The following KCNN2 variants were observed in gnomAD, a reference collection of about 807,000 sequenced individuals.
The protein encoded by KCNN2 is small conductance calcium-activated potassium channel protein 2.
Under a neutral mutation model 55.5 loss-of-function variants are expected in KCNN2, and 24 were observed. The ratio of observed to expected loss-of-function variants is 0.43; its 90% CI spans 0.31 to 0.61. The LOEUF (loss-of-function observed/expected upper bound fraction) is 0.61, where lower values mean the gene tolerates loss of function less well. Among genes scored for constraint, KCNN2 ranks in the 20% least tolerant of loss-of-function variants. KCNN2 has a pLI of 0.08. For synonymous variants in KCNN2, 431 were observed against 336.1 expected (o/e 1.28, Z -3.09); for missense variants, 754 against 853.6 (o/e 0.88, Z 1.45).
chr5:114,159,634 G>A (rs1012321468), intron 1 of KCNN2, among the ~76,000 whole-genome samples: 3 of 152,042 alleles, frequency 2.0e-5, no homozygotes, highest in African/African-American at 7.2e-5. Flanking sequence ...ATCTGGTCCT[G>A]GACTTTTTTT....
intron 1 of KCNN2, among the ~76,000 whole-genome samples, chr5:114,094,427 G>A (rs138099648): frequency 2.0e-5 from 3 of 152,252 alleles, no homozygotes; most frequent in African/African-American, 4.8e-5. Flanking sequence ...GTCTAGTCAG[G>A]GTAGAAGAAA....
intron 1 of KCNN2, among the ~76,000 whole-genome samples, chr5:114,129,301 G>A (rs1752001086): frequency 6.6e-6 from 1 of 152,062 alleles, no homozygotes; most frequent in Non-Finnish European, 1.5e-5. Flanking sequence ...TAAGACAGAG[G>A]GTGAGGAAAG....
intron 1 of KCNN2, among the ~76,000 whole-genome samples, chr5:114,168,377 C>T (rs1561507201): frequency 2.0e-5 from 3 of 151,938 alleles, no homozygotes; most frequent in Non-Finnish European, 2.9e-5. Context: ...GCCTAAAAGA[C>T]GCTACTTTAT....
At chr5:114,319,047 C>T (rs900372457) in intron 2 of KCNN2, among the ~76,000 whole-genome samples, 7 of 152,046 alleles carry the variant, frequency 4.6e-5, no homozygotes, top group African/African-American at 1.7e-4. Flanking sequence ...CGTACACAGA[C>T]CTCTGTATAA....
chr5:114,296,999 G>A (rs1756023512), intron 2 of KCNN2, among the ~76,000 whole-genome samples: 1 of 151,982 alleles, frequency 6.6e-6, no homozygotes, highest in African/African-American at 2.4e-5. Flanking sequence ...CTACTTGCTT[G>A]GTATTGTATT....
intron 2 of KCNN2, among the ~76,000 whole-genome samples, chr5:114,336,852 C>T (rs550417215): frequency 2.0e-5 from 3 of 152,072 alleles, no homozygotes; most frequent in South Asian, 4.2e-4. Flanking sequence ...TTAAGGGGCT[C>T]GCATAGTGAA....
chr5:114,357,715 T>C (rs1490304978), upstream of KCNN2, among the ~76,000 whole-genome samples: 479 of 127,026 alleles, frequency 3.8e-3, 3 homozygotes, highest in African/African-American at 0.014. Context: ...GACATTTGGG[T>C]TGGTTCCAAG....
chr5:114,487,236 C>T, intron 6 of KCNN2, 59 bp downstream of exon 6: 1 of 1,421,452 alleles, frequency 7.0e-7, no homozygotes, highest in Non-Finnish European at 9.7e-7. Context: ...AATTTTTGCA[C>T]TTGTTTATTC....
At chr5:114,194,595 G>C (rs545822687) in intron 1 of KCNN2, among the ~76,000 whole-genome samples, 4 of 152,032 alleles carry the variant, frequency 2.6e-5, no homozygotes, top group Non-Finnish European at 5.9e-5. Flanking sequence ...TATTCTGAAT[G>C]TAAGTCCTTT....
At chr5:114,225,401 A>T (rs921160773) in intron 2 of KCNN2, among the ~76,000 whole-genome samples, 3 of 152,196 alleles carry the variant, frequency 2.0e-5, no homozygotes, top group African/African-American at 7.2e-5. Flanking sequence ...TAAGCATTCT[A>T]AGCACATAGA....
chr5:114,310,249 G>A (rs1172293905), intron 2 of KCNN2, among the ~76,000 whole-genome samples: 1 of 152,142 alleles, frequency 6.6e-6, no homozygotes, highest in African/African-American at 2.4e-5. Context: ...GAGACCACGA[G>A]AGAGATGGAG....
At chr5:114,304,248 T>C (rs1756223905) in intron 2 of KCNN2, among the ~76,000 whole-genome samples, 1 of 152,166 alleles carries the variant, frequency 6.6e-6, no homozygotes, top group Non-Finnish European at 1.5e-5. Context: ...CTCCATCAGC[T>C]GGCTATAAGA....
intron 2 of KCNN2, among the ~76,000 whole-genome samples, chr5:114,378,731 G>A (rs1050320941): frequency 2.7e-5 from 4 of 149,942 alleles, no homozygotes; most frequent in African/African-American, 1.0e-4. Context: ...CTTAGTGTCA[G>A]CATCTCATTG....
At chr5:114,103,398 C>G (rs1751412998) in intron 1 of KCNN2, among the ~76,000 whole-genome samples, 1 of 152,094 alleles carries the variant, frequency 6.6e-6, no homozygotes, top group South Asian at 2.1e-4. Flanking sequence ...TCTTGTCTTC[C>G]TATTTGAATA....
chr5:114,143,950 A>G (rs1029359950), intron 1 of KCNN2, among the ~76,000 whole-genome samples: 18 of 152,194 alleles, frequency 1.2e-4, no homozygotes, highest in African/African-American at 3.9e-4. Context: ...AGCACAAATT[A>G]TACACGAACA....
At chr5:114,420,138 A>G (rs1413614841) in intron 3 of KCNN2, among the ~76,000 whole-genome samples, 6 of 152,394 alleles carry the variant, frequency 3.9e-5, no homozygotes, top group Middle Eastern at 3.4e-3. Flanking sequence ...TGAGTCATTA[A>G]GAAATCTAAT....
intron 1 of KCNN2, among the ~76,000 whole-genome samples, chr5:114,181,006 A>G (rs148584896): frequency 2.2e-4 from 33 of 152,260 alleles, no homozygotes; most frequent in African/African-American, 7.5e-4. Flanking sequence ...TTCATCATGT[A>G]TATTTATGTT....
At chr5:114,237,601 AT>A (rs922844936) in intron 2 of KCNN2, among the ~76,000 whole-genome samples, 7 of 150,782 alleles carry the variant, frequency 4.6e-5, no homozygotes, top group Admixed American at 1.3e-4. Flanking sequence ...TTATCTCTAA[AT>A]TTTTTTTTTA....
At chr5:114,211,501 G>A (rs1209606767) in intron 1 of KCNN2, among the ~76,000 whole-genome samples, 2 of 152,122 alleles carry the variant, frequency 1.3e-5, no homozygotes, top group Non-Finnish European at 2.9e-5. Context: ...AATAGTGGGA[G>A]CTAATTGGTG....
Sources: gnomAD v4.1 joint callset for allele counts (sites outside exome capture counted in the v4.1 genomes callset) on GRCh38, gnomAD v4.1.1 for gene constraint, MANE v1.5 for transcripts, NCBI Gene and HGNC (gene_info 2026-07-23, HGNC 2026-07-21) for gene names.